Variants in FIP1L1 observed in about 807,000 individuals in gnomAD.
FIP1L1 encodes the protein pre-mRNA 3'-end-processing factor FIP1.
A neutral mutation model predicts 84.6 loss-of-function variants in FIP1L1; 21 were observed. The observed-to-expected ratio is 0.25, with a 90% CI of 0.18 to 0.36. FIP1L1 has a LOEUF of 0.36. Among genes scored for constraint, FIP1L1 ranks in the 10% least tolerant of loss-of-function variants. The pLI, the probability that FIP1L1 is intolerant of heterozygous loss-of-function variation, is 1.00. For missense variants in FIP1L1, 526 were observed against 751.1 expected (o/e 0.70, Z 3.50); for synonymous variants, 263 against 242.3 (o/e 1.09, Z -0.80).
intron 16 of FIP1L1, among the ~76,000 whole-genome samples, chr4:53,453,735 G>A (rs1050842763): frequency 6.6e-6 from 1 of 152,182 alleles, no homozygotes; most frequent in Non-Finnish European, 1.5e-5. Context: ...AAGTAGCTAA[G>A]ACTACAGTCA....
intron 1 of FIP1L1, chr4:53,378,464 T>G (rs1735914256): frequency 6.6e-6 from 1 of 152,432 alleles, no homozygotes; most frequent in African/African-American, 2.4e-5. Context: ...TTAAAAATAA[T>G]TAATTAAGAG....
intron 3 of FIP1L1, among the ~76,000 whole-genome samples, chr4:53,380,331 C>T (rs553865840): frequency 8.0e-4 from 122 of 152,320 alleles, no homozygotes; most frequent in African/African-American, 2.8e-3. Context: ...GTAGATGTTA[C>T]AACACGGATG....
intron 10 of FIP1L1, among the ~76,000 whole-genome samples, chr4:53,405,830 A>G (rs528991306): frequency 1.2e-4 from 18 of 151,606 alleles, no homozygotes; most frequent in African/African-American, 4.4e-4. Context: ...GGTGTATAAG[A>G]ATGCTTGTGA....
At chr4:53,416,610 T>A (rs1759613000) in intron 11 of FIP1L1, among the ~76,000 whole-genome samples, 1 of 152,220 alleles carries the variant, frequency 6.6e-6, no homozygotes, top group Admixed American at 6.5e-5. Flanking sequence ...GAATACCTGC[T>A]TTTCTGGCTT....
At chr4:53,383,097 A>G (rs1459354940) in intron 4 of FIP1L1, among the ~76,000 whole-genome samples, 2 of 151,382 alleles carry the variant, frequency 1.3e-5, no homozygotes, top group Non-Finnish European at 2.9e-5. Context: ...TTCCTCTTAG[A>G]TTCTTTTTTG....
intron 10 of FIP1L1, among the ~76,000 whole-genome samples, chr4:53,401,893 T>C (rs761591824): frequency 1.5e-4 from 23 of 152,204 alleles, no homozygotes; most frequent in Non-Finnish European, 2.5e-4. Context: ...GGATAATCAG[T>C]GTTTAATATT....
At chr4:53,408,765 C>A (rs1755309086) in intron 10 of FIP1L1, among the ~76,000 whole-genome samples, 1 of 152,058 alleles carries the variant, frequency 6.6e-6, no homozygotes, top group African/African-American at 2.4e-5. Flanking sequence ...TCACTGATAC[C>A]CTTTCTTTCA....
intron 5 of FIP1L1, among the ~76,000 whole-genome samples, chr4:53,388,545 C>T (rs1312356094): frequency 4.6e-5 from 7 of 152,034 alleles, no homozygotes; most frequent in Admixed American, 1.3e-4. Context: ...TGGTGTTAGC[C>T]AGGATGGTCT....
intron 9 of FIP1L1, among the ~76,000 whole-genome samples, chr4:53,397,251 A>AAT (rs1425967850): frequency 2.0e-5 from 3 of 152,214 alleles, no homozygotes; most frequent in Admixed American, 6.5e-5. Context: ...ACTTATAAGC[A>AAT]ATCACACTAT....
At chr4:53,443,046 G>A (rs948604853) in intron 14 of FIP1L1, among the ~76,000 whole-genome samples, 14 of 152,038 alleles carry the variant, frequency 9.2e-5, no homozygotes, top group Non-Finnish European at 1.5e-4. Context: ...AATAATACAT[G>A]TCTGTTTTGG....
At chr4:53,385,342 T>C (rs1332309799) in intron 5 of FIP1L1, among the ~76,000 whole-genome samples, 1 of 152,150 alleles carries the variant, frequency 6.6e-6, no homozygotes, top group Non-Finnish European at 1.5e-5. Context: ...TGGTAGAAAT[T>C]GCACTCAAAT....
chr4:53,432,490 T>A (rs1209848921), intron 13 of FIP1L1, among the ~76,000 whole-genome samples: 1 of 152,052 alleles, frequency 6.6e-6, no homozygotes, highest in Non-Finnish European at 1.5e-5. Flanking sequence ...TATTTCATTT[T>A]CTCGTGAATC....
At chr4:53,395,451 A>G (rs1455008299) in intron 9 of FIP1L1, among the ~76,000 whole-genome samples, 3 of 152,070 alleles carry the variant, frequency 2.0e-5, no homozygotes, top group African/African-American at 7.2e-5. Context: ...TTGAGCATTG[A>G]CTGTGCCAGG....
chr4:53,451,575 CT>C (rs11371161), intron 15 of FIP1L1, among the ~76,000 whole-genome samples: 91 of 139,470 alleles, frequency 6.5e-4, no homozygotes, highest in East Asian at 4.8e-3. Flanking sequence ...TATACATTTT[CT>C]TTTTTTTTTT....
intron 10 of FIP1L1, among the ~76,000 whole-genome samples, chr4:53,408,542 G>C (rs1334570436): frequency 6.6e-6 from 1 of 152,148 alleles, no homozygotes; most frequent in Non-Finnish European, 1.5e-5. Flanking sequence ...ATGTTGGCCT[G>C]CCTTGCTAGA....
intron 11 of FIP1L1, among the ~76,000 whole-genome samples, chr4:53,417,761 ACACTCTCTCTCTCTCTCTCT>A (rs1455869099): frequency 0.013 from 290 of 22,498 alleles, 10 homozygotes; most frequent in South Asian, 0.055. Flanking sequence ...ACACACACAC[ACACTCTCTCTCTCTCTCTCT>A]CTCTCTCTCT....
At chr4:53,388,324 A>T (rs1365058431) in intron 5 of FIP1L1, among the ~76,000 whole-genome samples, 2 of 145,718 alleles carry the variant, frequency 1.4e-5, no homozygotes, top group African/African-American at 5.1e-5. Context: ...AACATCTGTG[A>T]CTTGAGGTCT....
chr4:53,381,750 A>ATTCTTTTT (rs1738024183), intron 3 of FIP1L1, among the ~76,000 whole-genome samples: 1 of 63,070 alleles, frequency 1.6e-5, no homozygotes, highest in African/African-American at 7.3e-5. Context: ...AGGCATTTGC[A>ATTCTTTTT]TTCTTTTTTT....
At chr4:53,409,286 AGCAGCGGTGGCT>A (rs1341259778) in intron 10 of FIP1L1, among the ~76,000 whole-genome samples, 1 of 152,242 alleles carries the variant, frequency 6.6e-6, no homozygotes, top group Non-Finnish European at 1.5e-5. Context: ...CCTGGATACC[AGCAGCGGTGGCT>A]GCAGAACAGC....
Sources: allele counts gnomAD v4.1 joint callset (sites outside exome capture counted in the v4.1 genomes callset), GRCh38; gene constraint gnomAD v4.1.1; transcripts MANE v1.5; gene names NCBI Gene and HGNC (gene_info 2026-07-23, HGNC 2026-07-21).